Variants in NOVA1 observed in about 807,000 individuals in gnomAD.
NOVA1 encodes RNA-binding protein Nova-1.
A neutral mutation model predicts 38.0 loss-of-function variants in NOVA1; 7 were observed. The observed-to-expected ratio is 0.18, with a 90% CI of 0.10 to 0.35. The LOEUF (loss-of-function observed/expected upper bound fraction) is 0.35. Ranked by LOEUF, NOVA1 falls within the 10% of genes least tolerant of loss-of-function variation. The probability of loss-of-function intolerance (pLI) is 1.00; values close to 1 mark genes in which losing one functional copy is unlikely to be tolerated. For synonymous variants in NOVA1, 270 were observed against 232.5 expected, an observed-to-expected ratio of 1.16 and a Z score of -1.47; for missense variants, 460 against 616.0, an observed-to-expected ratio of 0.75 and a Z score of 2.68.
chr14:26,483,262 C>T (rs1885603501), intron 2 of NOVA1, among the ~76,000 whole-genome samples: 1 of 152,172 alleles, frequency 6.6e-6, no homozygotes, highest in Non-Finnish European at 1.5e-5. Context: ...CCTGTTTCTA[C>T]CTAAGGTGAT....
chr14:26,574,833 T>A (rs531515639), intron 2 of NOVA1, among the ~76,000 whole-genome samples: 17 of 150,618 alleles, frequency 1.1e-4, no homozygotes, highest in East Asian at 3.9e-4. Context: ...TTTAAAAAAA[T>A]TTTTTTTTTG....
chr14:26,596,354 C>A (rs569792813), intron 1 of NOVA1, among the ~76,000 whole-genome samples: 8 of 152,140 alleles, frequency 5.3e-5, no homozygotes, highest in African/African-American at 1.9e-4. Context: ...ACTTTTAAAA[C>A]GGAAAGGGGG....
At chr14:26,517,954 G>A (rs1272211557) in intron 2 of NOVA1, among the ~76,000 whole-genome samples, 1 of 152,094 alleles carries the variant, frequency 6.6e-6, no homozygotes, top group Non-Finnish European at 1.5e-5. Context: ...GCTGGAAGCA[G>A]AATTGGAAAA....
At chr14:26,543,116 C>T (rs921603589) in intron 2 of NOVA1, among the ~76,000 whole-genome samples, 4 of 151,890 alleles carry the variant, frequency 2.6e-5, no homozygotes, top group Admixed American at 6.6e-5. Context: ...TTGATCGTTA[C>T]GCATTGTATG....
Position 26,472,348 on chromosome 14 carries a change from T to A in NOVA1, c.491A>T (p.Asp164Val). The change falls in exon 4 of 5, where the codon GAT (aspartate) becomes GTT (valine). Residue 164 changes from aspartate (D) to valine (V), a missense_variant. Asp to Val is a radical substitution (Grantham distance 152, BLOSUM62 -3). Coordinates refer to ENST00000539517, the MANE Select transcript of NOVA1 (RefSeq NM_002515.3). Reference protein sequence around the residue: ...SPTTTKSSPSDPMTTSRANQV... With the variant: ...SPTTTKSSPSVPMTTSRANQV... ...ATTAGCTCTGGAGGTGGTCATGGGA[T>A]CAGATGGAGAGGACTTGGTGGTAGT... 6.3e-7 allele frequency: 1 copy of A among 1,594,104 alleles called. No individual in the cohort carries two copies. The highest frequency in any genetic ancestry group is 8.6e-7 in the Non-Finnish European group (1 of 1,167,970).
intron 2 of NOVA1, among the ~76,000 whole-genome samples, chr14:26,531,520 T>C (rs920956677): frequency 1.3e-5 from 2 of 152,064 alleles, no homozygotes; most frequent in East Asian, 1.9e-4. Context: ...GACAGGAGAA[T>C]TGCTTGAACC....
chr14:26,560,696 T>C (rs1026710892), intron 2 of NOVA1, among the ~76,000 whole-genome samples: 1 of 152,118 alleles, frequency 6.6e-6, no homozygotes, highest in African/African-American at 2.4e-5. Context: ...CATAAACATA[T>C]ATACATACCA....
intron 3 of NOVA1, among the ~76,000 whole-genome samples, chr14:26,474,413 A>T (rs2138265412): frequency 6.6e-6 from 1 of 152,186 alleles, no homozygotes; most frequent in East Asian, 1.9e-4. Flanking sequence ...TGCAAATTGA[A>T]CTTTTAATTA....
chr14:26,455,458 A>G (rs145789486), intron 4 of NOVA1, among the ~76,000 whole-genome samples: 1 of 152,218 alleles, frequency 6.6e-6, no homozygotes, highest in East Asian at 1.9e-4. Flanking sequence ...CAGGCAACTT[A>G]GTGAGACTGA....
chr14:26,594,669 G>C (rs1894069637), intron 2 of NOVA1, among the ~76,000 whole-genome samples: 1 of 151,918 alleles, frequency 6.6e-6, no homozygotes, highest in Non-Finnish European at 1.5e-5. Flanking sequence ...AATAGAAAAA[G>C]ATGGACATGC....
At chr14:26,470,587 T>G (rs1884511579) in intron 4 of NOVA1, 1 of 854,096 alleles carries the variant, frequency 1.2e-6, no homozygotes, top group Admixed American at 2.1e-5. Context: ...TATTTCAAAA[T>G]AGCAAAATTT....
intron 3 of NOVA1, among the ~76,000 whole-genome samples, chr14:26,475,247 G>A (rs916475497): frequency 2.6e-5 from 4 of 151,922 alleles, no homozygotes; most frequent in Non-Finnish European, 5.9e-5. Context: ...GCCCAGGCTG[G>A]TCTCAAACTC....
intron 2 of NOVA1, among the ~76,000 whole-genome samples, chr14:26,589,389 C>T (rs961462080): frequency 1.3e-5 from 2 of 151,566 alleles, no homozygotes; most frequent in African/African-American, 2.4e-5. Context: ...ATAAATGACA[C>T]AGTAATTTTT....
intron 4 of NOVA1, chr14:26,470,014 GT>G: frequency 4.6e-6 from 1 of 218,270 alleles, no homozygotes; most frequent in Non-Finnish European, 8.1e-6. Flanking sequence ...GGGTCTCAAG[GT>G]TAATAAAGTA....
At chr14:26,560,132 C>T (rs142805262) in intron 2 of NOVA1, among the ~76,000 whole-genome samples, 1 of 152,044 alleles carries the variant, frequency 6.6e-6, no homozygotes, top group African/African-American at 2.4e-5. Context: ...GACTATCTCC[C>T]TACTTTAAGG....
rs1186698243 is a variant in NOVA1, at chr14:26,533,804, A to G, written c.281-53661T>C. On this transcript the variant is annotated intron_variant, in intron 2 of 4. Transcript: ENST00000539517. ...GCACCTAGCACAATGCTTAATACAT[A>G]GCAGGTATGCAACAAATAGTCCTGT... Among the ~76,000 whole-genome samples, 3 of 152,232 alleles carry G rather than the reference A, an allele frequency of 2.0e-5. No homozygotes were observed. The East Asian group carries it at 5.8e-4, about 29-fold the overall frequency.
intron 2 of NOVA1, among the ~76,000 whole-genome samples, chr14:26,526,066 A>C (rs1186448186): frequency 2.0e-5 from 3 of 152,086 alleles, no homozygotes; most frequent in African/African-American, 7.2e-5. Flanking sequence ...TTATTTAAGT[A>C]AAAGTTCAAT....
At chr14:26,514,772 A>G (rs1283780760) in intron 2 of NOVA1, among the ~76,000 whole-genome samples, 1 of 151,780 alleles carries the variant, frequency 6.6e-6, no homozygotes, top group African/African-American at 2.4e-5. Flanking sequence ...GCTTTTACTG[A>G]TGAAAATGTA....
At chr14:26,596,018 A>C (rs1894164755) in intron 1 of NOVA1, 1 of 305,446 alleles carries the variant, frequency 3.3e-6, no homozygotes, top group African/African-American at 2.3e-5. Flanking sequence ...TAGCAGACAC[A>C]TAAGGACTAC....
Sources: gnomAD v4.1 joint callset for allele counts (sites outside exome capture counted in the v4.1 genomes callset) on GRCh38, gnomAD v4.1.1 for gene constraint, MANE v1.5 for transcripts, NCBI Gene and HGNC (gene_info 2026-07-23, HGNC 2026-07-21) for gene names.